The following SCN3A variants were observed in gnomAD, a reference collection of about 807,000 sequenced individuals.
The protein encoded by SCN3A is sodium channel protein type 3 subunit alpha.
A neutral mutation model predicts 187.6 loss-of-function variants in SCN3A; 60 were observed. The observed-to-expected ratio is 0.32, with a 90% CI of 0.26 to 0.40. The LOEUF is 0.40. SCN3A is among the 10% of genes least tolerant of loss of function. The pLI is 1.00. For synonymous variants in SCN3A, 788 were observed against 829.2 expected (o/e 0.95, Z 0.85); for missense variants, 1,601 against 2,428.2 (o/e 0.66, Z 7.16).
chr2:165,183,386 G>T (rs1259737304), intron 2 of SCN3A, among the ~76,000 whole-genome samples: 1 of 152,164 alleles, frequency 6.6e-6, no homozygotes, highest in Non-Finnish European at 1.5e-5. Flanking sequence ...GATCTAAGCT[G>T]TATATAAATA....
chr2:165,198,882 C>A (rs1037971544), intron 1 of SCN3A, among the ~76,000 whole-genome samples: 6 of 151,764 alleles, frequency 4.0e-5, no homozygotes, highest in African/African-American at 1.5e-4. Context: ...AGCAGAAACA[C>A]CAAGGAGACA....
chr2:165,115,666 G>C (rs1686337142), intron 18 of SCN3A, 91 bp from the exon 19 acceptor site: 1 of 1,183,024 alleles, frequency 8.5e-7, no homozygotes, highest in Non-Finnish European at 1.3e-6. Context: ...AAAAAAAATA[G>C]TAGTGATAGC....
chr2:165,165,112 T>G (rs1417897825), intron 5 of SCN3A, among the ~76,000 whole-genome samples: 2 of 152,206 alleles, frequency 1.3e-5, no homozygotes, highest in African/African-American at 4.8e-5. Flanking sequence ...AGACTCATTT[T>G]GAGGGCTAGT....
intron 2 of SCN3A, among the ~76,000 whole-genome samples, chr2:165,181,894 A>C (rs1316928607): frequency 6.6e-6 from 1 of 152,220 alleles, no homozygotes. Flanking sequence ...ATGTATTTTT[A>C]GGATTGTGCT....
chr2:165,156,349 A>C (rs572879253), intron 9 of SCN3A, among the ~76,000 whole-genome samples: 3 of 136,316 alleles, frequency 2.2e-5, no homozygotes, highest in African/African-American at 8.0e-5. Flanking sequence ...TACTAAAAAT[A>C]CAAAAAAAAA....
In SCN3A at chr2:165,088,452, A is replaced by G. The variant is rs959989999; in HGVS notation, c.*1698T>C. The stretch of plus-strand genomic sequence containing the variant: ...ACGTAAATACTACAAAAGTTGAATA[A>G]AAAAAAACATCTATGAATAAAAGGT... On this transcript the variant is annotated 3_prime_UTR_variant, in exon 28 of 28. Transcript: ENST00000283254. 6.6e-6 allele frequency: 1 copy of G among 152,264 alleles called. No individual in the cohort carries two copies. Among genetic ancestry groups the G allele is most frequent in the Non-Finnish European group, 1.5e-5 (1 of 67,920 alleles). 9.4% of individuals were successfully genotyped at this position (152,264 alleles called of 1,614,324 possible).
intron 18 of SCN3A, among the ~76,000 whole-genome samples, chr2:165,126,574 TCCTCCCTCCCTC>T (rs1308143016): frequency 7.1e-6 from 1 of 141,152 alleles, no homozygotes; most frequent in Non-Finnish European, 1.6e-5. Context: ...TCCCCTTCCT[TCCTCCCTCCCTC>T]CCTCCCTCCC....
At chr2:165,183,156 A>G (rs1271876127) in intron 2 of SCN3A, among the ~76,000 whole-genome samples, 2 of 152,156 alleles carry the variant, frequency 1.3e-5, no homozygotes, top group African/African-American at 4.8e-5. Context: ...TAGAACAATT[A>G]CCTAGATGCC....
At chr2:165,176,486 C>T (rs1324047638) in intron 2 of SCN3A, 42 bp from the exon 3 acceptor site, 38 of 1,492,100 alleles carry the variant, frequency 2.5e-5, no homozygotes, top group Middle Eastern at 3.5e-4. Context: ...GGAAAGCAAG[C>T]GATTGGGCAT....
At chr2:165,136,596 A>G (rs1160893856) in intron 15 of SCN3A, among the ~76,000 whole-genome samples, 1 of 152,206 alleles carries the variant, frequency 6.6e-6, no homozygotes, top group Non-Finnish European at 1.5e-5. Flanking sequence ...AACTAAGGTC[A>G]AACTCAATTC....
At chr2:165,196,781 T>C (rs1691993914) in intron 1 of SCN3A, among the ~76,000 whole-genome samples, 1 of 152,174 alleles carries the variant, frequency 6.6e-6, no homozygotes, top group Non-Finnish European at 1.5e-5. Context: ...GAATCTGCCT[T>C]TCCTCCAGAT....
intron 18 of SCN3A, among the ~76,000 whole-genome samples, chr2:165,126,064 T>A (rs752686184): frequency 6.6e-6 from 1 of 152,190 alleles, no homozygotes; most frequent in Non-Finnish European, 1.5e-5. Context: ...CTACCTATTA[T>A]AGGGATTTCA....
At chr2:165,183,840 G>C (rs965654011) in intron 2 of SCN3A, among the ~76,000 whole-genome samples, 7 of 152,080 alleles carry the variant, frequency 4.6e-5, no homozygotes, top group Non-Finnish European at 8.8e-5. Flanking sequence ...TGGATGGAAA[G>C]TTGCTGTATG....
At chr2:165,144,019 G>T (rs1428031058) in intron 12 of SCN3A, among the ~76,000 whole-genome samples, 2 of 152,144 alleles carry the variant, frequency 1.3e-5, no homozygotes, top group South Asian at 2.1e-4. Context: ...ATAAAATAAT[G>T]TAATAAACAT....
intron 25 of SCN3A, among the ~76,000 whole-genome samples, chr2:165,094,960 G>A (rs1459829695): frequency 6.6e-6 from 1 of 152,120 alleles, no homozygotes. Context: ...TAAATGTACT[G>A]CAGAGGCAAC....
intron 15 of SCN3A, among the ~76,000 whole-genome samples, chr2:165,136,901 G>A (rs57319862): frequency 1.3e-5 from 2 of 152,166 alleles, no homozygotes; most frequent in South Asian, 2.1e-4. Context: ...GCTCCTTCAC[G>A]CATGATTCCT....
chr2:165,115,360 C>A (rs757811754), intron 19 of SCN3A, 95 bp downstream of exon 19: 3 of 1,546,678 alleles, frequency 1.9e-6, no homozygotes, highest in African/African-American at 1.4e-5. Flanking sequence ...AGCCACCACA[C>A]CTCGTTTCAT....
At chr2:165,199,440 G>A (rs1021016072) in intron 1 of SCN3A, among the ~76,000 whole-genome samples, 7 of 151,896 alleles carry the variant, frequency 4.6e-5, no homozygotes, top group Non-Finnish European at 1.0e-4. Flanking sequence ...TACATGTGCT[G>A]TATTTTAATA....
chr2:165,131,859 T>C (rs1341137612), intron 15 of SCN3A, among the ~76,000 whole-genome samples: 1 of 151,280 alleles, frequency 6.6e-6, no homozygotes, highest in Non-Finnish European at 1.5e-5. Context: ...GTGTTTGGTT[T>C]TTTGTCTTTG....
Sources: gnomAD v4.1 joint callset for allele counts (sites outside exome capture counted in the v4.1 genomes callset) on GRCh38, gnomAD v4.1.1 for gene constraint, MANE v1.5 for transcripts, NCBI Gene and HGNC (gene_info 2026-07-23, HGNC 2026-07-21) for gene names.